ADARB2: variants seen among roughly 807,000 people sequenced by gnomAD.
ADARB2 encodes adenosine deaminase RNA specific B2 (inactive), also known as inactive double-stranded RNA-specific editase B2.
Under a neutral mutation model 62.2 loss-of-function variants are expected in ADARB2, and 25 were observed. The observed-to-expected ratio is 0.40, with a 90% confidence interval of 0.29 to 0.56. The LOEUF is 0.56. Ranked by LOEUF, ADARB2 falls within the 20% of genes least tolerant of loss-of-function variation. ADARB2 has a pLI of 0.43. For missense variants in ADARB2, 1,071 were observed against 1,077.4 expected, an observed-to-expected ratio of 0.99 and a Z score of 0.08; for synonymous variants, 572 against 500.8, an observed-to-expected ratio of 1.14 and a Z score of -1.90.
intron 6 of ADARB2, among the ~76,000 whole-genome samples, chr10:1,217,379 C>T (rs965697591): frequency 1.3e-5 from 2 of 152,200 alleles, no homozygotes; most frequent in African/African-American, 4.8e-5. Flanking sequence ...ACTCTCTTTT[C>T]ACCAACACCC....
chr10:1,277,674 T>C (rs1831330696), intron 3 of ADARB2, among the ~76,000 whole-genome samples: 1 of 152,088 alleles, frequency 6.6e-6, no homozygotes, highest in African/African-American at 2.4e-5. Flanking sequence ...CTACCAGAGG[T>C]AGAAGGAGGA....
chr10:1,303,420 A>T (rs1364110939), intron 3 of ADARB2, among the ~76,000 whole-genome samples: 1 of 152,052 alleles, frequency 6.6e-6, no homozygotes, highest in Non-Finnish European at 1.5e-5. Flanking sequence ...CCTGAAAGTG[A>T]TGGGGAGAAT....
chr10:1,447,536 G>A (rs904667003), intron 1 of ADARB2, among the ~76,000 whole-genome samples: 3 of 151,310 alleles, frequency 2.0e-5, no homozygotes, highest in African/African-American at 7.4e-5. Flanking sequence ...AGTGAAGACA[G>A]ATCATATGTA....
Position 1,522,457 on chromosome 10 carries a change from A to G in ADARB2, c.101-143297T>C, listed in dbSNP as rs149976992. On this transcript the variant is annotated intron_variant, in intron 1 of 9. Transcript: ENST00000381312. ...GGGTGGCTGAAGGCCTTTCCTGCAAACCAGAAACCAGTGTCCCCAGCTAGC... is the reference window on the plus strand; with the variant it reads ...GGGTGGCTGAAGGCCTTTCCTGCAAGCCAGAAACCAGTGTCCCCAGCTAGC... 7.9e-5 allele frequency among the ~76,000 whole-genome samples: 12 copies of G among 152,286 alleles called. No individual in the cohort carries two copies. In the East Asian group the frequency reaches 2.1e-3, roughly 27 times the overall value.
chr10:1,354,177 C>A (rs530070566), intron 3 of ADARB2, among the ~76,000 whole-genome samples: 6 of 152,194 alleles, frequency 3.9e-5, no homozygotes, highest in Admixed American at 2.6e-4. Flanking sequence ...AATACTTTAC[C>A]ACTATTTCGT....
At chr10:1,227,290 C>T (rs915416088) in intron 6 of ADARB2, among the ~76,000 whole-genome samples, 1 of 152,212 alleles carries the variant, frequency 6.6e-6, no homozygotes, top group Non-Finnish European at 1.5e-5. Flanking sequence ...ACCCGATTTT[C>T]CAGGTGCTGT....
rs1442722586 is a variant in ADARB2, at chr10:1,657,965, GTCTCTCTCTATCTCAGTC to G, written c.100+79068_100+79085del. Among the ~76,000 whole-genome samples, 10 of 138,234 alleles carry G rather than the reference GTCTCTCTCTATCTCAGTC, an allele frequency of 7.2e-5. No homozygotes were observed. In the South Asian group the frequency reaches 1.7e-3, roughly 23 times the overall value. The allele number at this position is 138,234 out of a possible 152,430, so 90.7% of individuals were successfully genotyped here. On this transcript the variant is annotated intron_variant, in intron 1 of 9. Coordinates refer to ENST00000381312, the MANE Select transcript of ADARB2 (RefSeq NM_018702.4). ...TGATTCTCTGTCTGTGTCTGCCTCA[GTCTCTCTCTATCTCAGTC>G]TCTCTCTCTCTTTCTGTGTCTCTCT...
chr10:1,261,694 G>T (rs1831138611), intron 4 of ADARB2, among the ~76,000 whole-genome samples: 1 of 149,788 alleles, frequency 6.7e-6, no homozygotes, highest in African/African-American at 2.5e-5. Flanking sequence ...ACTGTTGGTG[G>T]GACTGTCAAC....
At chr10:1,190,387 G>A (rs1313738673) in intron 8 of ADARB2, among the ~76,000 whole-genome samples, 3 of 150,706 alleles carry the variant, frequency 2.0e-5, no homozygotes, top group Non-Finnish European at 4.4e-5. Flanking sequence ...TCCTGCCTTC[G>A]GTGTATGGCA....
At chr10:1,194,499 T>C (rs1403151765) in intron 8 of ADARB2, among the ~76,000 whole-genome samples, 2 of 150,098 alleles carry the variant, frequency 1.3e-5, no homozygotes, top group Non-Finnish European at 3.0e-5. Flanking sequence ...ATCTATCATC[T>C]ATCATCTATC....
chr10:1,302,545 G>A (rs111816982), intron 3 of ADARB2, among the ~76,000 whole-genome samples: 73 of 152,034 alleles, frequency 4.8e-4, no homozygotes, highest in Non-Finnish European at 8.5e-4. Flanking sequence ...GGAGGCCTGC[G>A]TGCCTCTGTA....
At chr10:1,697,951 G>C (rs757208457) in intron 1 of ADARB2, among the ~76,000 whole-genome samples, 1 of 152,196 alleles carries the variant, frequency 6.6e-6, no homozygotes, top group African/African-American at 2.4e-5. Flanking sequence ...GAGCGGTTGG[G>C]AATGGATAGT....
In ADARB2 at chr10:1,508,939, G is replaced by A. The variant is rs562798640; in HGVS notation, c.101-129779C>T. ...CTTTCCTTCTCCTCTGGCTTCAGGT[G>A]AGAAGTCGTCTGGCCCAGCGGTCCC... is the stretch of plus-strand genomic sequence containing the variant. On this transcript the variant is annotated intron_variant, in intron 1 of 9. Transcript: ENST00000381312. Among the ~76,000 whole-genome samples the A allele has an allele frequency of 3.9e-5, 6 of 152,328 alleles. No individual in the cohort carries two copies. In the East Asian group the frequency reaches 1.2e-3, roughly 29 times the overall value.
intron 3 of ADARB2, among the ~76,000 whole-genome samples, chr10:1,289,198 C>CCAAT (rs1831441440): frequency 2.0e-5 from 3 of 152,216 alleles, no homozygotes; most frequent in Non-Finnish European, 4.4e-5. Flanking sequence ...CAACCAATTG[C>CCAAT]CAATCAGAAA....
chr10:1,581,304 C>A (rs2676725), intron 1 of ADARB2, among the ~76,000 whole-genome samples: 78,510 of 151,884 alleles, frequency 0.52, 20,552 homozygotes, highest in East Asian at 0.64. Flanking sequence ...TGACAGCTAC[C>A]TGGAAGCATA....
At chr10:1,301,611 G>T (rs563195776) in intron 3 of ADARB2, among the ~76,000 whole-genome samples, 2 of 151,882 alleles carry the variant, frequency 1.3e-5, no homozygotes, top group South Asian at 4.2e-4. Flanking sequence ...CCTCTTCAGG[G>T]TTCATTAATT....
chr10:1,282,110 C>T (rs1831375989), intron 3 of ADARB2, among the ~76,000 whole-genome samples: 1 of 152,166 alleles, frequency 6.6e-6, no homozygotes, highest in African/African-American at 2.4e-5. Flanking sequence ...ACCTCACTGC[C>T]TGAGTAATTA....
intron 3 of ADARB2, among the ~76,000 whole-genome samples, chr10:1,348,332 T>A (rs1475577616): frequency 6.6e-6 from 1 of 152,112 alleles, no homozygotes; most frequent in Admixed American, 6.5e-5. Context: ...GGATGTGGGT[T>A]TCCTGGGTGA....
rs1009224706 is a variant in ADARB2 at position 1,262,059 on chromosome 10, G to A, written c.1192+8896C>T. 7.2e-4 allele frequency among the ~76,000 whole-genome samples: 104 copies of A among 143,738 alleles called. 2 individuals carry two copies. The highest frequency in any genetic ancestry group is 2.0e-3 in the East Asian group (10 of 4,930). 94.3% of individuals were successfully genotyped at this position (143,738 alleles called of 152,430 possible). Reference sequence around the variant, plus strand: ...TCGCAAGAACAAACAACCAAACACCGCATATTCTCACTCATAGGTGGGAAT... The same window carrying A: ...TCGCAAGAACAAACAACCAAACACCACATATTCTCACTCATAGGTGGGAAT... On this transcript the variant is annotated intron_variant, in intron 4 of 9. Coordinates refer to ENST00000381312, the MANE Select transcript of ADARB2 (RefSeq NM_018702.4).
Sources: allele counts gnomAD v4.1 joint callset (sites outside exome capture counted in the v4.1 genomes callset), GRCh38; gene constraint gnomAD v4.1.1; transcripts MANE v1.5; gene names NCBI Gene and HGNC (gene_info 2026-07-23, HGNC 2026-07-21).